RASGRF1: variants seen among roughly 807,000 people sequenced by gnomAD.
The protein encoded by RASGRF1 is Ras protein specific guanine nucleotide releasing factor 1, also known as ras-specific guanine nucleotide-releasing factor 1.
In RASGRF1, 40 loss-of-function variants were observed where a neutral mutation model predicts 138.7. That is an observed-to-expected ratio of 0.29 (90% CI 0.22 to 0.38). RASGRF1 has a LOEUF of 0.38. Ranked by LOEUF, RASGRF1 falls within the 10% of genes least tolerant of loss-of-function variation. RASGRF1 has a pLI of 1.00. For synonymous variants in RASGRF1, 614 were observed against 663.2 expected, an observed-to-expected ratio of 0.93 and a Z score of 1.14; for missense variants, 1,108 against 1,650.4, an observed-to-expected ratio of 0.67 and a Z score of 5.69.
intron 1 of RASGRF1, among the ~76,000 whole-genome samples, chr15:79,088,170 C>T (rs1425971676): frequency 6.6e-6 from 1 of 152,198 alleles, no homozygotes; most frequent in African/African-American, 2.4e-5. Context: ...CACTGATTTA[C>T]CCCGTTGTTG....
chr15:79,032,043 C>G lies in RASGRF1; in HGVS notation c.1152+80G>C. On this transcript the variant is annotated intron_variant, in intron 7 of 26. Coordinates refer to ENST00000558480, the MANE Select transcript of RASGRF1 (RefSeq NM_001145648.3). The surrounding 1 kb of genome is among the most constrained non-coding windows in gnomAD (Gnocchi z 4.5). ...CAGCCCAGAGCTGGGGTGCGTTAAG[C>G]ACTGTGCCCCCACCGCCATGGTCCA... The G allele has an allele frequency of 6.7e-7, 1 of 1,486,086 alleles. No homozygotes were observed. Among genetic ancestry groups the G allele is most frequent in the Non-Finnish European group, 9.1e-7 (1 of 1,100,728 alleles). The allele number at this position is 1,486,086 out of a possible 1,614,324, so 92.1% of individuals were successfully genotyped here.
chr15:78,973,227 G>C lies in RASGRF1; in HGVS notation c.3612+76C>G. ...GCAGCAGGTTGGGCCTTGGGGGGCA[G>C]AGTGTGGGTGGGCCCCAGGTTGAGT... On this transcript the variant is annotated intron_variant, in intron 25 of 26. Coordinates refer to ENST00000558480, the MANE Select transcript of RASGRF1 (RefSeq NM_001145648.3). This position sits in a 1 kb window ranked among gnomAD's most constrained non-coding sequence, Gnocchi z 4.9. The C allele has an allele frequency of 1.6e-6, 2 of 1,227,390 alleles. No homozygotes were observed. The highest frequency in any genetic ancestry group is 2.3e-6 in the Non-Finnish European group (2 of 867,482). 76.0% of individuals were successfully genotyped at this position (1,227,390 alleles called of 1,614,324 possible).
At chr15:78,979,539 G>A (rs2055972293) in intron 24 of RASGRF1, among the ~76,000 whole-genome samples, 1 of 152,248 alleles carries the variant, frequency 6.6e-6, no homozygotes, top group Non-Finnish European at 1.5e-5. Flanking sequence ...GTCAGGCGAG[G>A]AGAGGAAGGA....
rs1184394437 is a variant in RASGRF1, at chr15:78,965,450, A to T, written c.3682-3214T>A. 2.0e-5 allele frequency among the ~76,000 whole-genome samples: 3 copies of T among 152,302 alleles called. 1 individual carries two copies. In the South Asian group the frequency reaches 6.2e-4, roughly 32 times the overall value. On this transcript the variant is annotated intron_variant, in intron 26 of 26. Coordinates refer to ENST00000558480, the MANE Select transcript of RASGRF1 (RefSeq NM_001145648.3). The stretch of plus-strand genomic sequence containing the variant: ...ACCAGAAACCAACCGTTACTCATGT[A>T]TGCATGAGTTCTTGCATCAGACAGC...
At chr15:78,984,852 G>A (rs2056113492) in intron 23 of RASGRF1, 155 bp downstream of exon 23, 2 of 779,826 alleles carry the variant, frequency 2.6e-6, no homozygotes, top group Admixed American at 2.1e-5. Flanking sequence ...GGTCCCAGGT[G>A]ATATAGGGGA....
At position 79,050,139 on chromosome 15, in the gene RASGRF1, A is replaced by G. The variant is rs1053507737; in HGVS notation, c.532-551T>C. ...GTAAAACTGAAACTCTGTACTCATC[A>G]AACAATAACTCTCCATTCCCCTTCC... On this transcript the variant is annotated intron_variant, in intron 3 of 26. Transcript: ENST00000558480. The surrounding 1 kb of genome is among the most constrained non-coding windows in gnomAD (Gnocchi z 4.1). Among the ~76,000 whole-genome samples, 1 of 152,114 alleles carries G rather than the reference A, an allele frequency of 6.6e-6. No homozygotes were observed. The highest frequency in any genetic ancestry group is 1.5e-5 in the Non-Finnish European group (1 of 68,026).
intron 2 of RASGRF1, among the ~76,000 whole-genome samples, chr15:79,064,171 A>G (rs570204868): frequency 1.3e-5 from 2 of 152,272 alleles, no homozygotes; most frequent in South Asian, 4.1e-4. Flanking sequence ...CTGCTAATAT[A>G]AAAAAGGTAA....
At chr15:79,028,010 C>T in intron 8 of RASGRF1, 151 bp from the exon 9 acceptor site, 2 of 782,296 alleles carry the variant, frequency 2.6e-6, no homozygotes, top group South Asian at 3.3e-5. Flanking sequence ...AGGGAGTGTG[C>T]ATTTACTGAG....
At chr15:78,982,057 G>A (rs1280569415) in intron 23 of RASGRF1, among the ~76,000 whole-genome samples, 2 of 152,172 alleles carry the variant, frequency 1.3e-5, no homozygotes, top group Admixed American at 6.5e-5. Flanking sequence ...CCCAGCCTCT[G>A]TCACCTATCC....
intron 2 of RASGRF1, among the ~76,000 whole-genome samples, chr15:79,059,053 C>G (rs1005597625): frequency 2.7e-4 from 41 of 152,182 alleles, no homozygotes; most frequent in African/African-American, 9.2e-4. Flanking sequence ...CATCTGCAGG[C>G]TGCTCTGCTA....
rs2056435877 is a variant in RASGRF1 at position 78,998,119 on chromosome 15, C to T, written c.2943G>A (p.Arg981=). The T allele has an allele frequency of 2.5e-6, 4 of 1,614,132 alleles. No homozygotes were observed. The African/African-American group carries it at 4.0e-5, about 16-fold the overall frequency. ...MHDPELLTQE[R]KAAANIIRTL... ...ACCTGATGATGTTGGCTGCAGCCTT[C>T]CGCTCCTGGGTCAGGAGCTCCGGGT... The change falls in exon 19 of 27, where the codon CGG becomes CGA. Residue 981 remains arginine, a synonymous_variant. Coordinates refer to ENST00000558480, the MANE Select transcript of RASGRF1 (RefSeq NM_001145648.3).
In RASGRF1 at chr15:79,006,382, T is replaced by A; in HGVS notation, c.1879A>T (p.Met627Leu). Residue 627 changes from methionine to leucine, a missense_variant, in exon 14 of 27, where the codon ATG (methionine) becomes TTG (leucine). Met to Leu is a conservative substitution (Grantham distance 15). Transcript: ENST00000558480. This position sits in a 1 kb window ranked among gnomAD's most constrained non-coding sequence, Gnocchi z 4.0. ...ATCTGCAGCACTTTGCAGGAGTTCA[T>A]GGTTTTGCTGAAGCGAATGTCAACA... The part of the protein sequence containing the change: ...DDVDIRFSKT[M>L]NSCKVLQIRY... The A allele has an allele frequency of 6.2e-7, 1 of 1,614,136 alleles. No homozygotes were observed. The highest frequency in any genetic ancestry group is 8.5e-7 in the Non-Finnish European group (1 of 1,180,022).
In RASGRF1 at chr15:79,090,602, C is replaced by G; in HGVS notation, c.-104G>C. ...TGCCTCTCTCTGGCGCTCGCTCGCT[C>G]GCTCCCTCTAGCTCTCCCCTCCCCC... On this transcript the variant is annotated 5_prime_UTR_variant, in exon 1 of 27. Coordinates refer to ENST00000558480, the MANE Select transcript of RASGRF1 (RefSeq NM_001145648.3). The G allele has an allele frequency of 6.6e-7, 1 of 1,504,748 alleles. No individual in the cohort carries two copies. Among genetic ancestry groups the G allele is most frequent in the Non-Finnish European group, 9.0e-7 (1 of 1,113,260 alleles). 93.2% of individuals were successfully genotyped at this position (1,504,748 alleles called of 1,614,324 possible). A position where few individuals can be genotyped will look rare whatever the true frequency, so the allele number is the denominator to read the frequency against.
intron 25 of RASGRF1, among the ~76,000 whole-genome samples, chr15:78,972,369 A>T (rs542171623): frequency 6.6e-6 from 1 of 151,466 alleles, no homozygotes; most frequent in East Asian, 1.9e-4. Flanking sequence ...TGCTGGGATT[A>T]TAGGTGTGAG....
chr15:79,019,563 C>G (rs988021674), intron 11 of RASGRF1, among the ~76,000 whole-genome samples: 5 of 152,206 alleles, frequency 3.3e-5, no homozygotes, highest in African/African-American at 1.2e-4. Context: ...TGTCAGTGGC[C>G]CCTGCACATT....
chr15:78,991,840 G>A (rs760169497), intron 20 of RASGRF1, 46 bp from the exon 21 acceptor site: 41 of 1,490,666 alleles, frequency 2.8e-5, no homozygotes, highest in Non-Finnish European at 3.3e-5. Flanking sequence ...GGCCCATGAC[G>A]GACACCTCCT....
rs534636421 is a variant in RASGRF1, at chr15:78,995,942, C to T, written c.2967-142G>A. 13 of 757,996 alleles carry T rather than the reference C, an allele frequency of 1.7e-5. No individual in the cohort carries two copies. In the African/African-American group the frequency reaches 2.1e-4, roughly 12 times the overall value. 47.0% of individuals were successfully genotyped at this position (757,996 alleles called of 1,614,324 possible). On this transcript the variant is annotated intron_variant, in intron 19 of 26. Transcript: ENST00000558480. The stretch of plus-strand genomic sequence containing the variant: ...TTGCCAGGAGCACCCTTTCCCCTTC[C>T]TCCTTCACTCTTCTTCCTGATGGTC...
intron 22 of RASGRF1, among the ~76,000 whole-genome samples, chr15:78,987,846 C>T (rs904928342): frequency 1.3e-5 from 2 of 152,066 alleles, no homozygotes; most frequent in Non-Finnish European, 2.9e-5. Context: ...TGCAGAAGGG[C>T]GAGTAGCTCC....
chr15:79,028,023 C>A (rs1287777711), intron 8 of RASGRF1, among the ~76,000 whole-genome samples, 164 bp from the exon 9 acceptor site: 1 of 152,204 alleles, frequency 6.6e-6, no homozygotes, highest in African/African-American at 2.4e-5. Context: ...TTACTGAGTG[C>A]CTGCTGCATG....
Sources: gnomAD v4.1 joint callset for allele counts (sites outside exome capture counted in the v4.1 genomes callset) on GRCh38, gnomAD v4.1.1 for gene constraint, Gnocchi (gnomAD v3.1) non-coding constraint, MANE v1.5 for transcripts, NCBI Gene and HGNC (gene_info 2026-07-23, HGNC 2026-07-21) for gene names.